The following GRID1 variants were observed in gnomAD, a reference collection of about 807,000 sequenced individuals.
GRID1 encodes the protein glutamate receptor ionotropic, delta-1.
Under a neutral mutation model 98.0 loss-of-function variants are expected in GRID1, and 28 were observed. The ratio of observed to expected loss-of-function variants is 0.29; its 90% confidence interval spans 0.21 to 0.39. GRID1 has a LOEUF of 0.39. Ranked by LOEUF, GRID1 falls within the 10% of genes least tolerant of loss-of-function variation. The pLI, the probability that GRID1 is intolerant of heterozygous loss-of-function variation, is 1.00. For synonymous variants in GRID1, 553 were observed against 538.5 expected (o/e 1.03, Z -0.37); for missense variants, 1,111 against 1,340.5 (o/e 0.83, Z 2.67).
At chr10:86,165,839 C>T (rs1450403642) in intron 3 of GRID1, among the ~76,000 whole-genome samples, 6 of 152,160 alleles carry the variant, frequency 3.9e-5, no homozygotes, top group Admixed American at 3.9e-4. Flanking sequence ...CAGGAACCGA[C>T]ATTCAGCAGG....
At chr10:86,178,419 A>AG (rs1436300277) in intron 3 of GRID1, among the ~76,000 whole-genome samples, 1 of 152,150 alleles carries the variant, frequency 6.6e-6, no homozygotes, top group East Asian at 1.9e-4. Context: ...CTCAGTTAAC[A>AG]GGCTCTCCAG....
At chr10:86,306,523 C>T (rs1847760975) in intron 2 of GRID1, among the ~76,000 whole-genome samples, 1 of 152,188 alleles carries the variant, frequency 6.6e-6, no homozygotes, top group Non-Finnish European at 1.5e-5. Flanking sequence ...CTGTGGTAAC[C>T]TGGGCTCAGA....
chr10:85,726,884 G>A (rs771792308), intron 10 of GRID1, among the ~76,000 whole-genome samples: 1 of 152,148 alleles, frequency 6.6e-6, no homozygotes, highest in Non-Finnish European at 1.5e-5. Flanking sequence ...TCATTGAATT[G>A]TATATCTAAA....
chr10:85,987,510 C>T (rs1842624844), intron 4 of GRID1, among the ~76,000 whole-genome samples: 1 of 109,430 alleles, frequency 9.1e-6, no homozygotes, highest in Non-Finnish European at 1.9e-5. Flanking sequence ...CTTACCTTCC[C>T]CCTAGCTATA....
At chr10:85,681,721 C>T (rs745660588) in intron 12 of GRID1, among the ~76,000 whole-genome samples, 32 of 152,166 alleles carry the variant, frequency 2.1e-4, no homozygotes, top group Non-Finnish European at 4.6e-4. Context: ...ACACATCACT[C>T]CAGGTTGTTC....
intron 4 of GRID1, among the ~76,000 whole-genome samples, chr10:86,112,427 C>T (rs529117990): frequency 1.3e-5 from 2 of 152,334 alleles, no homozygotes; most frequent in South Asian, 4.1e-4. Flanking sequence ...TATTTAGCAT[C>T]AGTGTACTGG....
At chr10:85,633,506 A>G (rs536415846) in intron 13 of GRID1, among the ~76,000 whole-genome samples, 1 of 152,324 alleles carries the variant, frequency 6.6e-6, no homozygotes, top group Non-Finnish European at 1.5e-5. Context: ...GCTTCCTCTT[A>G]AAGTCTCTTT....
chr10:85,870,538 T>C (rs570142808), intron 5 of GRID1, among the ~76,000 whole-genome samples: 1 of 152,360 alleles, frequency 6.6e-6, no homozygotes, highest in African/African-American at 2.4e-5. Context: ...CCCTGACTAA[T>C]ACAGATTTTG....
At chr10:86,007,832 T>A (rs1479936233) in intron 4 of GRID1, among the ~76,000 whole-genome samples, 1 of 151,208 alleles carries the variant, frequency 6.6e-6, no homozygotes, top group African/African-American at 2.4e-5. Context: ...TTTTATTTAT[T>A]TATTTATTTA....
At chr10:85,990,295 C>T (rs936666365) in intron 4 of GRID1, among the ~76,000 whole-genome samples, 1 of 152,136 alleles carries the variant, frequency 6.6e-6, no homozygotes, top group African/African-American at 2.4e-5. Context: ...CACGTGACAC[C>T]AGTAAGCCAG....
intron 8 of GRID1, among the ~76,000 whole-genome samples, chr10:85,837,511 A>T (rs894074562): frequency 4.4e-4 from 67 of 152,318 alleles, no homozygotes; most frequent in African/African-American, 1.5e-3. Flanking sequence ...CTCCAGAGTT[A>T]GAGCATGCAG....
intron 4 of GRID1, among the ~76,000 whole-genome samples, chr10:86,087,688 C>T (rs970604519): frequency 3.9e-5 from 6 of 152,126 alleles, no homozygotes; most frequent in Admixed American, 3.9e-4. Flanking sequence ...CCCTTGGGTC[C>T]CTGTCCACAC....
At chr10:86,157,563 C>T (rs561909063) in intron 3 of GRID1, among the ~76,000 whole-genome samples, 1 of 152,298 alleles carries the variant, frequency 6.6e-6, no homozygotes, top group African/African-American at 2.4e-5. Context: ...GTATGCCATG[C>T]TCAACCTTTT....
At chr10:86,236,470 T>C (rs77176560) in intron 2 of GRID1, among the ~76,000 whole-genome samples, 5,361 of 152,238 alleles carry the variant, frequency 0.035, 101 homozygotes, top group Middle Eastern at 0.088. Flanking sequence ...ACCATCACTG[T>C]CCCCACTTCA....
At chr10:85,946,444 T>G (rs536889491) in intron 4 of GRID1, among the ~76,000 whole-genome samples, 1 of 152,338 alleles carries the variant, frequency 6.6e-6, no homozygotes, top group Admixed American at 6.5e-5. Flanking sequence ...ACTTAAAAAT[T>G]AGAAACAGAA....
intron 2 of GRID1, among the ~76,000 whole-genome samples, chr10:86,220,230 G>A (rs552871455): frequency 6.6e-6 from 1 of 152,262 alleles, no homozygotes; most frequent in African/African-American, 2.4e-5. Flanking sequence ...CATTAGTGCA[G>A]AGGACGCCGA....
At position 85,832,285 on chromosome 10, in the gene GRID1, T is replaced by C. The variant is rs539597655; in HGVS notation, c.1233+22211A>G. Among the ~76,000 whole-genome samples, 8 of 151,548 alleles carry C rather than the reference T, an allele frequency of 5.3e-5. No individual in the cohort carries two copies. The East Asian group carries it at 1.4e-3, about 26-fold the overall frequency. ...AAACTCGTTCAGAAATAGAGAAAAA[T>C]ACACACTTTTTATCTCATTATAAGA... On this transcript the variant is annotated intron_variant, in intron 8 of 15. Coordinates refer to ENST00000327946, the MANE Select transcript of GRID1 (RefSeq NM_017551.3).
intron 4 of GRID1, among the ~76,000 whole-genome samples, chr10:86,077,059 G>T (rs957573818): frequency 1.5e-5 from 2 of 137,080 alleles, no homozygotes; most frequent in Non-Finnish European, 3.2e-5. Flanking sequence ...ATTTTGGAAG[G>T]GGACACAATT....
intron 13 of GRID1, among the ~76,000 whole-genome samples, chr10:85,631,973 G>T (rs897006747): frequency 1.2e-4 from 18 of 147,490 alleles, no homozygotes; most frequent in African/African-American, 3.9e-4. Flanking sequence ...TGTGTGCCAT[G>T]TAAACACATA....
Sources: allele counts gnomAD v4.1 joint callset (sites outside exome capture counted in the v4.1 genomes callset), GRCh38; gene constraint gnomAD v4.1.1; transcripts MANE v1.5; gene names NCBI Gene and HGNC (gene_info 2026-07-23, HGNC 2026-07-21).